The following PWWP2B variants were observed in gnomAD, a reference collection of about 807,000 sequenced individuals.
PWWP2B encodes the protein PWWP domain-containing protein 2B.
A neutral mutation model predicts 15.5 loss-of-function variants in PWWP2B; 9 were observed. The observed-to-expected ratio is 0.58, with a 90% CI of 0.35 to 1.02. The LOEUF is 1.02. Ranked by LOEUF, PWWP2B falls within the 50% of genes least tolerant of loss-of-function variation. PWWP2B has a pLI of 0.02. For synonymous variants in PWWP2B, 474 were observed against 403.6 expected, an observed-to-expected ratio of 1.17 and a Z score of -2.09; for missense variants, 864 against 865.3, an observed-to-expected ratio of 1.00 and a Z score of 0.02.
chr10:132,405,793 C>T lies in PWWP2B; in HGVS notation c.1293C>T (p.Ala431=), dbSNP rs2069689403. ...GCAGCAGCGACAGCCTGGACGAGGC[C>T]AGATCGTCCGGCTCGGAAGGGACGC... The part of the protein sequence containing the change: ...SACSSDSLDE[A]RSSGSEGTPA... Residue 431 remains alanine (A), a synonymous_variant, in exon 2 of 3, where the codon GCC becomes GCT. Coordinates refer to ENST00000305233, the MANE Select transcript of PWWP2B (RefSeq NM_138499.4). 6.2e-7 allele frequency: 1 copy of T among 1,607,380 alleles called. No homozygotes were observed. The highest frequency in any genetic ancestry group is 8.5e-7 in the Non-Finnish European group (1 of 1,179,758).
rs1439774913 is a variant in PWWP2B, at chr10:132,405,151, G to C, written c.651G>C (p.Glu217Asp). 1.3e-6 allele frequency: 2 copies of C among 1,546,488 alleles called. No individual in the cohort carries two copies. The highest frequency in any genetic ancestry group is 2.7e-5 in the African/African-American group (2 of 72,932). ...GPDRELRKPE[E>D]PENGEPTAAA... is the part of the protein sequence containing the mutation. Reference sequence around the variant, plus strand: ...ACAGGGAGCTCCGCAAGCCGGAGGAGCCGGAGAACGGCGAGCCCACGGCTG... The same window carrying C: ...ACAGGGAGCTCCGCAAGCCGGAGGACCCGGAGAACGGCGAGCCCACGGCTG... Residue 217 changes from glutamate to aspartate, a missense_variant, in exon 2 of 3, where the codon GAG (glutamate) becomes GAC (aspartate). Transcript: ENST00000305233.
At position 132,415,062 on chromosome 10, in the gene PWWP2B, CAAG is replaced by C. The variant is rs199749651; in HGVS notation, c.*17-1996_*17-1994del. On this transcript the variant is annotated intron_variant, in intron 2 of 2. Transcript: ENST00000305233. The stretch of plus-strand genomic sequence containing the variant: ...AGTGGTCACATGCAATATGTAATGA[CAAG>C]AATTCACCTTCGTATTTCTAGACGA... 3.6e-3 allele frequency among the ~76,000 whole-genome samples: 541 copies of C among 152,358 alleles called. 8 individuals carry two copies. The highest frequency in any genetic ancestry group is 0.031 in the Admixed American group (474 of 15,302).
intron 2 of PWWP2B, among the ~76,000 whole-genome samples, chr10:132,408,385 G>A (rs1302773291): frequency 1.3e-5 from 2 of 152,220 alleles, no homozygotes; most frequent in African/African-American, 2.4e-5. Flanking sequence ...GGGGAAATGC[G>A]GGGGTACCTG....
In PWWP2B at chr10:132,405,815, A is replaced by G; in HGVS notation, c.1315A>G (p.Thr439Ala). ...DEARSSGSEG[T>A]PADTGDLSPG... ...GGCCAGATCGTCCGGCTCGGAAGGG[A>G]CGCCGGCAGACACGGGTGACCTCTC... Residue 439 changes from threonine (T) to alanine (A), a missense_variant, in exon 2 of 3, where the codon ACG becomes GCG. Transcript: ENST00000305233. 6.2e-7 allele frequency: 1 copy of G among 1,608,394 alleles called. No homozygotes were observed. The highest frequency in any genetic ancestry group is 8.5e-7 in the Non-Finnish European group (1 of 1,179,602).
chr10:132,402,545 A>G (rs2069627560), intron 1 of PWWP2B, among the ~76,000 whole-genome samples: 1 of 152,256 alleles, frequency 6.6e-6, no homozygotes, highest in African/African-American at 2.4e-5. Flanking sequence ...GTGCATGCAC[A>G]TGGACGTGCT....
In PWWP2B at chr10:132,406,105, T is replaced by C; in HGVS notation, c.1605T>C (p.Thr535=). The C allele has an allele frequency of 6.2e-7, 1 of 1,613,876 alleles. No individual in the cohort carries two copies. The highest frequency in any genetic ancestry group is 8.5e-7 in the Non-Finnish European group (1 of 1,180,012). Residue 535 remains threonine (T), a synonymous_variant, in exon 2 of 3, where the codon ACT becomes ACC. Transcript: ENST00000305233. ...EAKVSWFGSP[T]TSFLSISKLS... ...AGGTCTCGTGGTTTGGTTCTCCGAC[T>C]ACGTCGTTCTTGTCTATTTCAAAAC... is the stretch of plus-strand genomic sequence containing the variant.
rs1564874649 is a variant in PWWP2B at position 132,405,603 on chromosome 10, CCTGTGCGGACGGCCCTGCCGGTGGG to C, written c.1107_1131del (p.Cys369TrpfsTer92). On this transcript the variant is annotated frameshift_variant, in exon 2 of 3. Coordinates refer to ENST00000305233, the MANE Select transcript of PWWP2B (RefSeq NM_138499.4). LOFTEE classifies it low-confidence loss of function (END_TRUNC). ...TACCTGCGGGACAGCTCGCCGGCGC[CCTGTGCGGACGGCCCTGCCGGTGGG>C]CTGGCGGACTTGTCTTCTGGAAGTT... is the stretch of plus-strand genomic sequence containing the variant. 1 of 1,611,504 alleles carries C rather than the reference CCTGTGCGGACGGCCCTGCCGGTGGG, an allele frequency of 6.2e-7. No individual in the cohort carries two copies. The highest frequency in any genetic ancestry group is 1.7e-5 in the Admixed American group (1 of 60,022).
chr10:132,406,902 C>T (rs1232667721), intron 2 of PWWP2B, among the ~76,000 whole-genome samples: 1 of 152,228 alleles, frequency 6.6e-6, no homozygotes, highest in African/African-American at 2.4e-5. Context: ...CGTCAGCAGG[C>T]TGTGTGCGTG....
At chr10:132,400,447 C>G (rs2069601699) in intron 1 of PWWP2B, among the ~76,000 whole-genome samples, 1 of 152,120 alleles carries the variant, frequency 6.6e-6, no homozygotes, top group Non-Finnish European at 1.5e-5. Context: ...GCCACCTGGC[C>G]CCACCTGCTC....
At position 132,406,938 on chromosome 10, in the gene PWWP2B, G is replaced by A. The variant is rs559329509; in HGVS notation, c.*16+649G>A. Among the ~76,000 whole-genome samples, 3 of 152,296 alleles carry A rather than the reference G, an allele frequency of 2.0e-5. No homozygotes were observed. In the South Asian group the frequency reaches 6.2e-4, roughly 32 times the overall value. On this transcript the variant is annotated intron_variant, in intron 2 of 2. Coordinates refer to ENST00000305233, the MANE Select transcript of PWWP2B (RefSeq NM_138499.4). ...GCCAGGCGCCCGGGACCTGGGACAT[G>A]GTGTGGGGGCCTGTTCCCGGGGACG... is the stretch of plus-strand genomic sequence containing the variant.
chr10:132,402,959 C>A (rs1469675353), intron 1 of PWWP2B, among the ~76,000 whole-genome samples: 1 of 152,236 alleles, frequency 6.6e-6, no homozygotes, highest in Non-Finnish European at 1.5e-5. Context: ...GGTCCTGGCG[C>A]CAGCACCTGG....
chr10:132,409,970 G>C (rs1461970896), intron 2 of PWWP2B, among the ~76,000 whole-genome samples: 5 of 152,166 alleles, frequency 3.3e-5, no homozygotes, highest in African/African-American at 1.2e-4. Flanking sequence ...TGCGGAGGTG[G>C]TCAGGGGGCC....
chr10:132,412,306 ACCT>A lies in PWWP2B; in HGVS notation c.*17-4751_*17-4749del, dbSNP rs368875214. 4.2e-3 allele frequency among the ~76,000 whole-genome samples: 642 copies of A among 152,114 alleles called. 5 individuals carry two copies. The highest frequency in any genetic ancestry group is 0.015 in the African/African-American group (608 of 41,450). The stretch of plus-strand genomic sequence containing the variant: ...TAATACTATGCGGACCTGTTGCCAG[ACCT>A]CCTACTTGCTTCCTGGGTCTCACCT... On this transcript the variant is annotated intron_variant, in intron 2 of 2. Coordinates refer to ENST00000305233, the MANE Select transcript of PWWP2B (RefSeq NM_138499.4).
chr10:132,416,408 G>C (rs1052109791), intron 2 of PWWP2B, among the ~76,000 whole-genome samples: 3 of 152,190 alleles, frequency 2.0e-5, no homozygotes, highest in Non-Finnish European at 2.9e-5. Flanking sequence ...CAGGGCCCAG[G>C]GTTGGCCCTG....
At position 132,406,284 on chromosome 10, in the gene PWWP2B, G is replaced by A; in HGVS notation, c.*11G>A. The stretch of plus-strand genomic sequence containing the variant: ...CAGTTTGAAACGTAACTGGTTCCCT[G>A]ACCAGGTGAGTGTGCCAGCGGCAGC... On this transcript the variant is annotated 3_prime_UTR_variant, in exon 2 of 3. Coordinates refer to ENST00000305233, the MANE Select transcript of PWWP2B (RefSeq NM_138499.4). 6.2e-7 allele frequency: 1 copy of A among 1,600,694 alleles called. No homozygotes were observed. Among genetic ancestry groups the A allele is most frequent in the Non-Finnish European group, 8.5e-7 (1 of 1,171,756 alleles).
chr10:132,401,930 A>G (rs1167123811), intron 1 of PWWP2B, among the ~76,000 whole-genome samples: 2 of 144,966 alleles, frequency 1.4e-5, no homozygotes, highest in African/African-American at 5.7e-5. Context: ...AGCTGTTCCC[A>G]CCCTGTTCTG....
intron 1 of PWWP2B, among the ~76,000 whole-genome samples, chr10:132,400,409 G>A (rs2069601227): frequency 2.6e-5 from 4 of 152,240 alleles, no homozygotes; most frequent in Admixed American, 2.6e-4. Context: ...ATAAACCCTT[G>A]AGTCCAGGAC....
Position 132,404,614 on chromosome 10 carries a change from C to T in PWWP2B, c.126-12C>T. The stretch of plus-strand genomic sequence containing the variant: ...TCCCTTCTCACTGTGGTTTCTCTCT[C>T]TCCATTGCCAGGTCCGGCCTCTTTG... On this transcript the variant is annotated splice_polypyrimidine_tract_variant and intron_variant, in intron 1 of 2. Coordinates refer to ENST00000305233, the MANE Select transcript of PWWP2B (RefSeq NM_138499.4). 1 of 1,610,190 alleles carries T rather than the reference C, an allele frequency of 6.2e-7. No homozygotes were observed. The highest frequency in any genetic ancestry group is 8.5e-7 in the Non-Finnish European group (1 of 1,177,612).
At chr10:132,409,222 G>A (rs540623765) in intron 2 of PWWP2B, among the ~76,000 whole-genome samples, 3 of 152,354 alleles carry the variant, frequency 2.0e-5, no homozygotes, top group Admixed American at 1.3e-4. Context: ...GCTGCCCTTG[G>A]AGGTGACCAC....
Sources: gnomAD v4.1 joint callset for allele counts (sites outside exome capture counted in the v4.1 genomes callset) on GRCh38, gnomAD v4.1.1 for gene constraint, MANE v1.5 for transcripts, NCBI Gene and HGNC (gene_info 2026-07-23, HGNC 2026-07-21) for gene names.